Variants in STXBP5L observed in about 807,000 individuals in gnomAD.
STXBP5L encodes the protein syntaxin binding protein 5L.
STXBP5L carries 65 observed loss-of-function variants against 144.5 expected under a neutral mutation model. The ratio of observed to expected loss-of-function variants is 0.45; its 90% confidence interval spans 0.37 to 0.55. The LOEUF (loss-of-function observed/expected upper bound fraction) is 0.55. Ranked by LOEUF, STXBP5L falls within the 20% of genes least tolerant of loss-of-function variation. The pLI, the probability that STXBP5L is intolerant of heterozygous loss-of-function variation, is 0.00. For synonymous variants in STXBP5L, 505 were observed against 469.6 expected, an observed-to-expected ratio of 1.08 and a Z score of -0.97; for missense variants, 1,298 against 1,405.5, an observed-to-expected ratio of 0.92 and a Z score of 1.22.
intron 20 of STXBP5L, among the ~76,000 whole-genome samples, chr3:121,346,672 T>C (rs1309193508): frequency 6.6e-6 from 1 of 152,172 alleles, no homozygotes; most frequent in African/African-American, 2.4e-5. Flanking sequence ...TATCTCATTG[T>C]GGTTTTGATT....
intron 22 of STXBP5L, among the ~76,000 whole-genome samples, chr3:121,388,119 T>A (rs1027073960): frequency 6.6e-6 from 1 of 152,232 alleles, no homozygotes; most frequent in African/African-American, 2.4e-5. Flanking sequence ...GTCCTTCACA[T>A]CCCTTGTAAG....
At chr3:121,355,356 C>A (rs2108624173) in intron 20 of STXBP5L, among the ~76,000 whole-genome samples, 1 of 152,254 alleles carries the variant, frequency 6.6e-6, no homozygotes, top group East Asian at 1.9e-4. Context: ...TTCATATAGT[C>A]CCATATTTCT....
At chr3:121,160,220 T>C (rs1358688247) in intron 9 of STXBP5L, among the ~76,000 whole-genome samples, 2 of 152,298 alleles carry the variant, frequency 1.3e-5, no homozygotes, top group South Asian at 4.1e-4. Flanking sequence ...TTTCCTAATA[T>C]GATTATAGAA....
intron 2 of STXBP5L, chr3:120,925,039 G>C (rs1247675073): frequency 6.6e-6 from 1 of 152,162 alleles, no homozygotes. Flanking sequence ...TTGTATTCCT[G>C]TATAGCTTTA....
At chr3:121,081,869 A>G (rs1576886856) in intron 5 of STXBP5L, among the ~76,000 whole-genome samples, 1 of 152,336 alleles carries the variant, frequency 6.6e-6, no homozygotes, top group Admixed American at 6.5e-5. Flanking sequence ...GACTAGCAGG[A>G]AAGCTATCAG....
At chr3:121,248,521 C>T (rs746563398) in intron 14 of STXBP5L, among the ~76,000 whole-genome samples, 1 of 152,030 alleles carries the variant, frequency 6.6e-6, no homozygotes, top group Non-Finnish European at 1.5e-5. Context: ...GTTCAAGTTC[C>T]TCATGGATTC....
At chr3:121,043,498 CA>C (rs1947299641) in intron 4 of STXBP5L, among the ~76,000 whole-genome samples, 4 of 152,078 alleles carry the variant, frequency 2.6e-5, no homozygotes, top group Admixed American at 6.6e-5. Flanking sequence ...ATCACGAGGT[CA>C]AGAGATCAAG....
intron 6 of STXBP5L, among the ~76,000 whole-genome samples, chr3:121,120,633 T>C (rs943833938): frequency 2.6e-5 from 4 of 151,252 alleles, no homozygotes; most frequent in African/African-American, 9.7e-5. Context: ...CCAATGAATC[T>C]GTGTTTATTC....
chr3:121,033,731 C>T (rs1553779222), intron 3 of STXBP5L, among the ~76,000 whole-genome samples: 1 of 151,676 alleles, frequency 6.6e-6, no homozygotes, highest in Non-Finnish European at 1.5e-5. Context: ...TAAGTAAGAA[C>T]TTTTTTTAAT....
intron 3 of STXBP5L, among the ~76,000 whole-genome samples, chr3:120,983,020 T>G (rs1941942723): frequency 6.6e-6 from 1 of 152,144 alleles, no homozygotes; most frequent in Non-Finnish European, 1.5e-5. Flanking sequence ...GGCTGGACCT[T>G]TCTCTGCCTT....
intron 5 of STXBP5L, among the ~76,000 whole-genome samples, chr3:121,094,071 GT>G (rs943995856): frequency 1.1e-4 from 16 of 152,254 alleles, no homozygotes; most frequent in African/African-American, 3.6e-4. Flanking sequence ...TTTTCATGTA[GT>G]TGAGCGGTTT....
At chr3:121,382,368 G>A (rs1560041664) in intron 22 of STXBP5L, among the ~76,000 whole-genome samples, 1 of 151,886 alleles carries the variant, frequency 6.6e-6, no homozygotes, top group Non-Finnish European at 1.5e-5. Flanking sequence ...TACTAATGTG[G>A]CAAATTCAGA....
chr3:121,248,216 A>C (rs1002834246), intron 14 of STXBP5L, among the ~76,000 whole-genome samples: 6 of 152,136 alleles, frequency 3.9e-5, no homozygotes, highest in African/African-American at 1.4e-4. Flanking sequence ...GGCATGTGCC[A>C]CCATGCCTGG....
At chr3:121,286,339 AAATT>A (rs1165738577) in intron 19 of STXBP5L, among the ~76,000 whole-genome samples, 1 of 152,196 alleles carries the variant, frequency 6.6e-6, no homozygotes, top group African/African-American at 2.4e-5. Context: ...AGTAAACAAA[AAATT>A]AAAGAAGAAA....
chr3:120,994,117 A>G (rs980494273), intron 3 of STXBP5L, among the ~76,000 whole-genome samples: 1 of 151,804 alleles, frequency 6.6e-6, no homozygotes, highest in East Asian at 1.9e-4. Flanking sequence ...TAGAAATGCT[A>G]CTGATTTTTG....
rs199966799 is a variant in STXBP5L at position 121,117,120 on chromosome 3, ATACAAT to A, written c.605+2063_605+2068del. On this transcript the variant is annotated intron_variant, in intron 6 of 26. Coordinates refer to ENST00000471454, the MANE Select transcript of STXBP5L (RefSeq NM_001308330.2). ...TTATTTTAATGTGTTTATATAGTCT[ATACAAT>A]TTCAAGACTAATGAAGAGTTTTTAA... Among the ~76,000 whole-genome samples the A allele has an allele frequency of 6.6e-5, 10 of 151,886 alleles. No individual in the cohort carries two copies. The East Asian group carries it at 1.5e-3, about 23-fold the overall frequency.
intron 3 of STXBP5L, among the ~76,000 whole-genome samples, chr3:121,037,965 T>A (rs112572351): frequency 0.023 from 3,478 of 152,140 alleles, 124 homozygotes; most frequent in African/African-American, 0.077. Flanking sequence ...ATTTGTTTGT[T>A]GTCTTTTTAA....
At chr3:121,131,091 A>T (rs1278147500) in intron 7 of STXBP5L, among the ~76,000 whole-genome samples, 2 of 152,270 alleles carry the variant, frequency 1.3e-5, no homozygotes, top group African/African-American at 4.8e-5. Flanking sequence ...ATTAATCAAC[A>T]TGCTAGTTCT....
chr3:121,115,116 A>G (rs2044175424), intron 6 of STXBP5L, 57 bp downstream of exon 6: 4 of 1,503,430 alleles, frequency 2.7e-6, no homozygotes, highest in Non-Finnish European at 3.6e-6. Context: ...CAGTTATGTA[A>G]CATGTAGGTC....
Sources: allele counts gnomAD v4.1 joint callset (sites outside exome capture counted in the v4.1 genomes callset), GRCh38; gene constraint gnomAD v4.1.1; transcripts MANE v1.5; gene names NCBI Gene and HGNC (gene_info 2026-07-23, HGNC 2026-07-21).